MACROH2A2: variants seen among roughly 807,000 people sequenced by gnomAD.
The protein encoded by MACROH2A2 is macroH2A.2 histone.
Under a neutral mutation model 37.6 loss-of-function variants are expected in MACROH2A2, and 6 were observed. That is an observed-to-expected ratio of 0.16 (90% CI 0.09 to 0.32). The LOEUF is 0.32. Among genes scored for constraint, MACROH2A2 ranks in the 10% least tolerant of loss-of-function variants. MACROH2A2 has a pLI of 1.00. For missense variants in MACROH2A2, 290 were observed against 485.9 expected (o/e 0.60, Z 3.79); for synonymous variants, 192 against 202.7 (o/e 0.95, Z 0.45).
intron 7 of MACROH2A2, among the ~76,000 whole-genome samples, chr10:70,105,478 G>A (rs2072331942): frequency 6.6e-6 from 1 of 152,214 alleles, no homozygotes; most frequent in Non-Finnish European, 1.5e-5. Flanking sequence ...CATGTGTGCA[G>A]GGGACTGAGC....
At chr10:70,092,087 A>G in intron 4 of MACROH2A2, 133 bp downstream of exon 4, 1 of 713,210 alleles carries the variant, frequency 1.4e-6, no homozygotes, top group South Asian at 1.8e-5. Flanking sequence ...TTTGAGAGAT[A>G]ACTAGATCAT....
At chr10:70,092,840 G>A (rs1384487574) in intron 4 of MACROH2A2, among the ~76,000 whole-genome samples, 2 of 152,146 alleles carry the variant, frequency 1.3e-5, no homozygotes, top group East Asian at 3.9e-4. Context: ...GTCTCCTGCA[G>A]GCATTCCCTG....
At chr10:70,111,120 T>G (rs1204382107) in intron 8 of MACROH2A2, among the ~76,000 whole-genome samples, 1 of 151,736 alleles carries the variant, frequency 6.6e-6, no homozygotes, top group Non-Finnish European at 1.5e-5. Context: ...AATACAAAAA[T>G]TAGCCAGGCA....
chr10:70,091,320 A>G (rs781087708), intron 3 of MACROH2A2, among the ~76,000 whole-genome samples: 1 of 152,254 alleles, frequency 6.6e-6, no homozygotes, highest in Non-Finnish European at 1.5e-5. Context: ...GGAAAAGCCA[A>G]TTAAATGGTG....
chr10:70,065,966 G>A (rs2072076776), intron 1 of MACROH2A2, among the ~76,000 whole-genome samples: 2 of 152,180 alleles, frequency 1.3e-5, no homozygotes. Context: ...TCTACTAAAT[G>A]ATAACCTAAA....
chr10:70,087,948 C>T (rs767454327), intron 2 of MACROH2A2, among the ~76,000 whole-genome samples: 1 of 152,114 alleles, frequency 6.6e-6, no homozygotes, highest in Non-Finnish European at 1.5e-5. Flanking sequence ...ATACTTATGT[C>T]AAGTTTTTGT....
In MACROH2A2 at chr10:70,073,977, G is replaced by A. The variant is rs369092265; in HGVS notation, c.-59-1623G>A. Among the ~76,000 whole-genome samples, 10 of 152,292 alleles carry A rather than the reference G, an allele frequency of 6.6e-5. No homozygotes were observed. In the East Asian group the frequency reaches 7.7e-4, roughly 12 times the overall value. ...TCCAGAGGAAACGGCCCCTGAGAACGCCATTGACCTTGGGGAAGAGAGCTT... is the reference window on the plus strand; with the variant it reads ...TCCAGAGGAAACGGCCCCTGAGAACACCATTGACCTTGGGGAAGAGAGCTT... On this transcript the variant is annotated intron_variant, in intron 1 of 8. Coordinates refer to ENST00000373255, the MANE Select transcript of MACROH2A2 (RefSeq NM_018649.3).
At chr10:70,089,898 G>T (rs1170112935) in intron 2 of MACROH2A2, among the ~76,000 whole-genome samples, 162 bp from the exon 3 acceptor site, 3 of 152,094 alleles carry the variant, frequency 2.0e-5, no homozygotes, top group Non-Finnish European at 4.4e-5. Flanking sequence ...GAGTAGCTGG[G>T]ACTAACTTGA....
chr10:70,059,937 C>A (rs1268669408), intron 1 of MACROH2A2, among the ~76,000 whole-genome samples: 2 of 152,126 alleles, frequency 1.3e-5, no homozygotes, highest in Admixed American at 6.5e-5. Flanking sequence ...GCAGCTGATA[C>A]AATGTGCCGG....
chr10:70,095,336 C>G (rs1204529995), intron 5 of MACROH2A2, among the ~76,000 whole-genome samples: 2 of 151,122 alleles, frequency 1.3e-5, no homozygotes, highest in African/African-American at 4.9e-5. Context: ...CCACTGCACT[C>G]CAGCCTGGGA....
intron 1 of MACROH2A2, among the ~76,000 whole-genome samples, chr10:70,071,623 T>C (rs1034451558): frequency 1.3e-5 from 2 of 152,216 alleles, no homozygotes; most frequent in African/African-American, 4.8e-5. Flanking sequence ...GCAAACAGCA[T>C]AGAGTGGACT....
rs999862637 is a variant in MACROH2A2, at chr10:70,053,392, G to C, written c.-60+392G>C. On this transcript the variant is annotated intron_variant, in intron 1 of 8. Coordinates refer to ENST00000373255, the MANE Select transcript of MACROH2A2 (RefSeq NM_018649.3). This position sits in a 1 kb window ranked among gnomAD's most constrained non-coding sequence, Gnocchi z 4.8. ...TCGGGCGCAGGAGCGGGAGGACGGAGGCGCCCGGCCGCCGATGGGCACGGG... is the reference window on the plus strand; with the variant it reads ...TCGGGCGCAGGAGCGGGAGGACGGACGCGCCCGGCCGCCGATGGGCACGGG... Among the ~76,000 whole-genome samples, 13 of 151,826 alleles carry C rather than the reference G, an allele frequency of 8.6e-5. No individual in the cohort carries two copies. The highest frequency in any genetic ancestry group is 3.1e-4 in the African/African-American group (13 of 41,546).
chr10:70,093,427 C>T (rs962175276), intron 4 of MACROH2A2, among the ~76,000 whole-genome samples: 2 of 152,190 alleles, frequency 1.3e-5, no homozygotes, highest in African/African-American at 2.4e-5. Flanking sequence ...CACCCAGCTC[C>T]GATGCTTGTC....
chr10:70,095,586 G>C, intron 5 of MACROH2A2, 68 bp from the exon 6 acceptor site: 1 of 807,270 alleles, frequency 1.2e-6, no homozygotes, highest in Non-Finnish European at 2.2e-6. Context: ...ATGAATGCAA[G>C]TAAAATATGA....
At chr10:70,069,869 G>A (rs1386399090) in intron 1 of MACROH2A2, among the ~76,000 whole-genome samples, 1 of 151,942 alleles carries the variant, frequency 6.6e-6, no homozygotes. Flanking sequence ...TGGAGGAAAG[G>A]GTGGCCCGGG....
chr10:70,083,357 C>G (rs1422606934), intron 2 of MACROH2A2, among the ~76,000 whole-genome samples: 1 of 152,192 alleles, frequency 6.6e-6, no homozygotes, highest in Non-Finnish European at 1.5e-5. Context: ...CTCTTCTCTC[C>G]CACCCAAATC....
At chr10:70,092,026 A>G in intron 4 of MACROH2A2, 72 bp downstream of exon 4, 2 of 1,245,394 alleles carry the variant, frequency 1.6e-6, no homozygotes, top group Non-Finnish European at 2.3e-6. Flanking sequence ...TTCCCCCACA[A>G]TTCATATGTT....
At chr10:70,087,800 TTAA>T (rs1204627391) in intron 2 of MACROH2A2, among the ~76,000 whole-genome samples, 1 of 152,240 alleles carries the variant, frequency 6.6e-6, no homozygotes, top group African/African-American at 2.4e-5. Flanking sequence ...TATTCATTGC[TTAA>T]TAATCTGGAA....
At chr10:70,093,705 C>G (rs1434029007) in intron 4 of MACROH2A2, 30 bp from the exon 5 acceptor site, 1 of 1,252,154 alleles carries the variant, frequency 8.0e-7, no homozygotes. Flanking sequence ...TGGATTGGTT[C>G]TCATCTTGCC....
Sources: allele counts gnomAD v4.1 joint callset (sites outside exome capture counted in the v4.1 genomes callset), GRCh38; gene constraint gnomAD v4.1.1; non-coding constraint Gnocchi (gnomAD v3.1); transcripts MANE v1.5; gene names NCBI Gene and HGNC (gene_info 2026-07-23, HGNC 2026-07-21).